The following SCN2A variants were observed in gnomAD, a reference collection of about 807,000 sequenced individuals.
The protein encoded by SCN2A is sodium channel protein type 2 subunit alpha.
Under a neutral mutation model 188.7 loss-of-function variants are expected in SCN2A, and 20 were observed. The observed-to-expected ratio is 0.11, with a 90% confidence interval of 0.07 to 0.15. The LOEUF is 0.15. Among genes scored for constraint, SCN2A ranks in the 10% least tolerant of loss-of-function variants. The pLI is 1.00. For missense variants in SCN2A, 1,278 were observed against 2,445.0 expected (o/e 0.52, Z 10.07); for synonymous variants, 804 against 833.1 (o/e 0.97, Z 0.60).
chr2:165,365,300 C>T, intron 18 of SCN2A, 37 bp downstream of exon 18: 3 of 1,610,712 alleles, frequency 1.9e-6, no homozygotes, highest in Non-Finnish European at 2.5e-6. Context: ...CTTGAGTATC[C>T]TCTTTTCTAC....
chr2:165,346,855 T>C (rs1699615984), intron 16 of SCN2A, among the ~76,000 whole-genome samples: 1 of 152,336 alleles, frequency 6.6e-6, no homozygotes, highest in African/African-American at 2.4e-5. Context: ...TCATCATCAC[T>C]GGTCATTAGA....
chr2:165,295,665 T>C (rs1001707626), intron 1 of SCN2A, 108 bp from the exon 2 acceptor site: 17 of 993,280 alleles, frequency 1.7e-5, no homozygotes, highest in African/African-American at 8.1e-5. Flanking sequence ...GAAAATATTA[T>C]AGCTATCTGA....
At chr2:165,293,125 A>T (rs913223219) in intron 1 of SCN2A, among the ~76,000 whole-genome samples, 13 of 152,172 alleles carry the variant, frequency 8.5e-5, no homozygotes, top group African/African-American at 3.1e-4. Context: ...ACTACATTGG[A>T]TTTAAGATTA....
chr2:165,293,825 G>A, intron 1 of SCN2A: 2 of 984,954 alleles, frequency 2.0e-6, no homozygotes. Flanking sequence ...ACAACTGAGA[G>A]CTTTGGGCTG....
intron 19 of SCN2A, among the ~76,000 whole-genome samples, chr2:165,368,238 T>G (rs1385498008): frequency 6.6e-6 from 1 of 152,156 alleles, no homozygotes. Context: ...GCTGTCCCTC[T>G]GATGTCAAGC....
chr2:165,287,604 C>T (rs766274033), intron 1 of SCN2A, among the ~76,000 whole-genome samples: 10 of 152,002 alleles, frequency 6.6e-5, no homozygotes, highest in Non-Finnish European at 1.2e-4. Flanking sequence ...ACCACCTGAC[C>T]GTCATCTGAT....
At chr2:165,387,078 T>C in intron 26 of SCN2A, 62 bp downstream of exon 26, 1 of 1,504,144 alleles carries the variant, frequency 6.6e-7, no homozygotes, top group Non-Finnish European at 9.2e-7. Flanking sequence ...GTTTTAAAAC[T>C]TTAGAGGTGT....
chr2:165,370,313 A>C lies in SCN2A; in HGVS notation c.3849+14A>C, dbSNP rs763967873. ...CTGATTGTTGATGTGAGTATGCTGC[A>C]CTTTGCTGCTTTATTCATTGGCATA... On this transcript the variant is annotated intron_variant, in intron 20 of 26. Coordinates refer to ENST00000375437, the MANE Select transcript of SCN2A (RefSeq NM_001040142.2). The C allele has an allele frequency of 3.1e-6, 5 of 1,613,946 alleles. No homozygotes were observed. Among genetic ancestry groups the C allele is most frequent in the Non-Finnish European group, 4.2e-6 (5 of 1,179,846 alleles).
At chr2:165,264,112 T>C (rs1273041887) in intron 1 of SCN2A, among the ~76,000 whole-genome samples, 1 of 152,162 alleles carries the variant, frequency 6.6e-6, no homozygotes, top group Non-Finnish European at 1.5e-5. Context: ...ACCTCCTCTT[T>C]ACCAATTTAG....
intron 1 of SCN2A, among the ~76,000 whole-genome samples, chr2:165,249,503 G>A (rs1416791042): frequency 6.6e-6 from 1 of 151,980 alleles, no homozygotes; most frequent in Non-Finnish European, 1.5e-5. Context: ...TCTTGGAAAT[G>A]TTTTGTTTTT....
At chr2:165,368,302 C>G (rs1329837052) in intron 19 of SCN2A, among the ~76,000 whole-genome samples, 1 of 152,176 alleles carries the variant, frequency 6.6e-6, no homozygotes, top group Non-Finnish European at 1.5e-5. Flanking sequence ...TTCCTCCTGT[C>G]TGCCTGCTGA....
intron 25 of SCN2A, among the ~76,000 whole-genome samples, chr2:165,383,071 T>C (rs938963163): frequency 6.6e-6 from 1 of 152,148 alleles, no homozygotes; most frequent in Non-Finnish European, 1.5e-5. Flanking sequence ...GTAAAATCCA[T>C]TTATTCCTGC....
rs267598963 is a variant in SCN2A, at chr2:165,389,264, G to A, written c.5458G>A (p.Asp1820Asn). 6.2e-7 allele frequency: 1 copy of A among 1,614,042 alleles called. No individual in the cohort carries two copies. Among genetic ancestry groups the A allele is most frequent in the South Asian group, 1.1e-5 (1 of 91,076 alleles). Residue 1820 changes from aspartate (D) to asparagine (N), a missense_variant, in exon 27 of 27, where the codon GAT (aspartate) becomes AAT (asparagine). Transcript: ENST00000375437. The surrounding 1 kb of genome is among the most constrained non-coding windows in gnomAD (Gnocchi z 4.2). Reference protein sequence around the residue: ...TQFIEFAKLSDFADALDPPLL... With the variant: ...TQFIEFAKLSNFADALDPPLL... ...GTTTATAGAGTTTGCCAAACTTTCT[G>A]ATTTTGCAGATGCCCTGGATCCTCC...
At chr2:165,310,253 A>T in intron 6 of SCN2A, 70 bp from the exon 7 acceptor site, 4 of 1,481,286 alleles carry the variant, frequency 2.7e-6, no homozygotes, top group Non-Finnish European at 3.8e-6. Context: ...GGACAAGCTC[A>T]TGATATTTTT....
intron 1 of SCN2A, among the ~76,000 whole-genome samples, chr2:165,276,204 T>C (rs1695336181): frequency 6.6e-6 from 1 of 152,128 alleles, no homozygotes; most frequent in Non-Finnish European, 1.5e-5. Context: ...TAATAAGAGT[T>C]CTTCAAAATG....
intron 14 of SCN2A, among the ~76,000 whole-genome samples, chr2:165,335,848 C>T (rs1698960931): frequency 6.6e-6 from 1 of 151,800 alleles, no homozygotes; most frequent in African/African-American, 2.4e-5. Context: ...ACCCAGATAT[C>T]TGATCATGAT....
intron 4 of SCN2A, 88 bp downstream of exon 4, chr2:165,308,025 A>T (rs1368969706): frequency 4.5e-6 from 4 of 882,374 alleles, no homozygotes; most frequent in Non-Finnish European, 7.7e-6. Context: ...TTTCTTTAAC[A>T]AATCATGCTA....
chr2:165,341,132 C>T (rs1166165886), intron 14 of SCN2A, among the ~76,000 whole-genome samples: 1 of 152,112 alleles, frequency 6.6e-6, no homozygotes, highest in Non-Finnish European at 1.5e-5. Context: ...CTTGCTCTTT[C>T]GCCCAGGCTG....
chr2:165,294,859 T>C (rs1057060437), intron 1 of SCN2A, among the ~76,000 whole-genome samples: 1 of 152,204 alleles, frequency 6.6e-6, no homozygotes, highest in African/African-American at 2.4e-5. Flanking sequence ...AGAGTTTGCT[T>C]GAAAAGATAA....
Sources: gnomAD v4.1 joint callset for allele counts (sites outside exome capture counted in the v4.1 genomes callset) on GRCh38, gnomAD v4.1.1 for gene constraint, Gnocchi (gnomAD v3.1) non-coding constraint, MANE v1.5 for transcripts, NCBI Gene and HGNC (gene_info 2026-07-23, HGNC 2026-07-21) for gene names.